FAM135B: variants seen among roughly 807,000 people sequenced by gnomAD.
FAM135B encodes the protein protein FAM135B.
FAM135B carries 43 observed loss-of-function variants against 127.7 expected under a neutral mutation model. That is an observed-to-expected ratio of 0.34 (90% CI 0.26 to 0.43). The LOEUF is 0.43. Ranked by LOEUF, FAM135B falls within the 20% of genes least tolerant of loss-of-function variation. FAM135B has a pLI of 1.00. For missense variants in FAM135B, 1,558 were observed against 1,725.6 expected, an observed-to-expected ratio of 0.90 and a Z score of 1.72; for synonymous variants, 670 against 665.1, an observed-to-expected ratio of 1.01 and a Z score of -0.11.
chr8:138,380,192 T>TTTTC (rs201370282), intron 1 of FAM135B, among the ~76,000 whole-genome samples: 3 of 151,748 alleles, frequency 2.0e-5, no homozygotes, highest in South Asian at 2.1e-4. Flanking sequence ...TTTTCTTTTC[T>TTTTC]TTTCTTTCTT....
At chr8:138,238,442 C>T (rs1820471213) in intron 7 of FAM135B, among the ~76,000 whole-genome samples, 1 of 152,064 alleles carries the variant, frequency 6.6e-6, no homozygotes. Flanking sequence ...GCTTGCTCCA[C>T]CAACTCTAAA....
At chr8:138,438,250 T>C (rs1376444840) in intron 1 of FAM135B, 1 of 152,134 alleles carries the variant, frequency 6.6e-6, no homozygotes, top group African/African-American at 2.4e-5. Flanking sequence ...GCTCCTATAA[T>C]TTCACACCTC....
At chr8:138,443,478 G>T (rs1835928081) in intron 1 of FAM135B, among the ~76,000 whole-genome samples, 1 of 152,030 alleles carries the variant, frequency 6.6e-6, no homozygotes, top group African/African-American at 2.4e-5. Context: ...ACAAAAAAAA[G>T]GACATTTTTC....
In FAM135B at chr8:138,151,529, T is replaced by C. The variant is rs200519684; in HGVS notation, c.2946A>G (p.Ala982=). 34 of 1,614,124 alleles carry C rather than the reference T, an allele frequency of 2.1e-5. No homozygotes were observed. Among genetic ancestry groups the C allele is most frequent in the African/African-American group, 2.7e-5 (2 of 74,952 alleles). The change falls in exon 13 of 20, where the codon GCA becomes GCG. Residue 982 remains alanine (A), a synonymous_variant. Transcript: ENST00000395297. ...VNAFPEAKHK[A]GTVCPTVTHS... ...GGGTCACAGTGGGGCACACAGTGCC[T>C]GCTTTATGTTTAGCCTCCGGGAAGG...
chr8:138,258,803 C>CCA (rs57817492), intron 4 of FAM135B, among the ~76,000 whole-genome samples: 10,375 of 146,460 alleles, frequency 0.071, 442 homozygotes, highest in Non-Finnish European at 0.1. Flanking sequence ...GACACACACA[C>CCA]CACACACACA....
At chr8:138,446,176 C>T (rs945764255) in intron 1 of FAM135B, among the ~76,000 whole-genome samples, 22 of 152,280 alleles carry the variant, frequency 1.4e-4, no homozygotes, top group Middle Eastern at 6.8e-3. Flanking sequence ...AATGGAAGAA[C>T]ATTCCATGCT....
At chr8:138,280,708 A>G (rs559498482) in intron 3 of FAM135B, among the ~76,000 whole-genome samples, 2 of 152,342 alleles carry the variant, frequency 1.3e-5, no homozygotes, top group Admixed American at 1.3e-4. Context: ...TTTGCCTGGC[A>G]AGTAACAGAC....
chr8:138,284,461 A>G (rs1437448987), intron 3 of FAM135B, among the ~76,000 whole-genome samples: 2 of 151,864 alleles, frequency 1.3e-5, no homozygotes, highest in Admixed American at 6.6e-5. Context: ...TTTCCACTCC[A>G]CTTAGGATAA....
intron 1 of FAM135B, among the ~76,000 whole-genome samples, chr8:138,400,276 AG>A (rs1350141998): frequency 6.6e-6 from 1 of 152,136 alleles, no homozygotes; most frequent in African/African-American, 2.4e-5. Flanking sequence ...CCAGGCCAAC[AG>A]ATGCAAGGCA....
chr8:138,147,214 AGGCTCTTT>A (rs1322933620), intron 14 of FAM135B, among the ~76,000 whole-genome samples: 2 of 151,976 alleles, frequency 1.3e-5, no homozygotes, highest in Non-Finnish European at 2.9e-5. Flanking sequence ...CAGTAAAATT[AGGCTCTTT>A]GGTCCCACTG....
chr8:138,184,387 T>C (rs573704777), intron 9 of FAM135B, among the ~76,000 whole-genome samples: 7 of 152,070 alleles, frequency 4.6e-5, no homozygotes, highest in Admixed American at 3.3e-4. Context: ...GTTGTCCCTG[T>C]GTTGGTTTCC....
intron 1 of FAM135B, among the ~76,000 whole-genome samples, chr8:138,457,548 T>G (rs2131605783): frequency 6.6e-6 from 1 of 152,250 alleles, no homozygotes; most frequent in East Asian, 1.9e-4. Context: ...CTGGTGACTC[T>G]CCATCAGTCA....
chr8:138,420,908 G>T (rs1390199640), intron 1 of FAM135B, among the ~76,000 whole-genome samples: 1 of 152,172 alleles, frequency 6.6e-6, no homozygotes, highest in Non-Finnish European at 1.5e-5. Flanking sequence ...GCAAAAGCTG[G>T]AAGCATTCCC....
chr8:138,150,599 C>T (rs936347691), intron 13 of FAM135B, among the ~76,000 whole-genome samples: 2 of 152,022 alleles, frequency 1.3e-5, no homozygotes, highest in African/African-American at 2.4e-5. Context: ...ACCCAGCAGG[C>T]GGAGGCTGCA....
intron 12 of FAM135B, among the ~76,000 whole-genome samples, chr8:138,154,987 T>C (rs572043636): frequency 2.0e-5 from 3 of 152,052 alleles, no homozygotes; most frequent in Non-Finnish European, 4.4e-5. Context: ...CCAAGACACA[T>C]AATTATCAGA....
chr8:138,294,238 A>C (rs1384974958), intron 3 of FAM135B, among the ~76,000 whole-genome samples: 1 of 152,102 alleles, frequency 6.6e-6, no homozygotes, highest in Non-Finnish European at 1.5e-5. Flanking sequence ...TTGGAGAATC[A>C]GAAAGAGGAG....
At chr8:138,432,738 T>C (rs1468340791) in intron 1 of FAM135B, among the ~76,000 whole-genome samples, 1 of 152,094 alleles carries the variant, frequency 6.6e-6, no homozygotes, top group Non-Finnish European at 1.5e-5. Context: ...TCAATGACCA[T>C]AGCTGGTTCC....
chr8:138,182,302 CA>C lies in FAM135B; in HGVS notation c.874-3613del, dbSNP rs575749919. 3.0e-4 allele frequency among the ~76,000 whole-genome samples: 46 copies of C among 152,384 alleles called. No individual in the cohort carries two copies. The South Asian group carries it at 8.7e-3, about 29-fold the overall frequency. On this transcript the variant is annotated intron_variant, in intron 9 of 19. Transcript: ENST00000395297. ...TACTCCACAGATGCCCGAGCCTGTG[CA>C]ATCACAGATGGCGAGCTTGGAAGGG...
intron 8 of FAM135B, among the ~76,000 whole-genome samples, chr8:138,197,312 C>G (rs912547311): frequency 1.3e-5 from 2 of 152,114 alleles, no homozygotes; most frequent in African/African-American, 4.8e-5. Context: ...AATGAATGTG[C>G]CTTGAGGAAC....
Sources: gnomAD v4.1 joint callset for allele counts (sites outside exome capture counted in the v4.1 genomes callset) on GRCh38, gnomAD v4.1.1 for gene constraint, MANE v1.5 for transcripts, NCBI Gene and HGNC (gene_info 2026-07-23, HGNC 2026-07-21) for gene names.